CDH8: variants seen among roughly 807,000 people sequenced by gnomAD.
CDH8 encodes cadherin-8.
Under a neutral mutation model 68.1 loss-of-function variants are expected in CDH8, and 17 were observed. The ratio of observed to expected loss-of-function variants is 0.25; its 90% confidence interval spans 0.17 to 0.37. CDH8 has a LOEUF of 0.37. Ranked by LOEUF, CDH8 falls within the 10% of genes least tolerant of loss-of-function variation. The pLI is 1.00. For missense variants in CDH8, 763 were observed against 999.3 expected, an observed-to-expected ratio of 0.76 and a Z score of 3.19; for synonymous variants, 372 against 365.1, an observed-to-expected ratio of 1.02 and a Z score of -0.21.
At chr16:61,795,364 G>A (rs993578060) in intron 7 of CDH8, among the ~76,000 whole-genome samples, 6 of 151,972 alleles carry the variant, frequency 3.9e-5, no homozygotes, top group Non-Finnish European at 7.4e-5. Context: ...ACATAAAATA[G>A]AATAAAAACA....
intron 2 of CDH8, among the ~76,000 whole-genome samples, chr16:61,990,825 A>G (rs1567430): frequency 0.013 from 1,927 of 150,872 alleles, 27 homozygotes; most frequent in African/African-American, 0.028. Flanking sequence ...CCCCGTCTTT[A>G]ATAAAAGAAA....
intron 2 of CDH8, among the ~76,000 whole-genome samples, chr16:62,005,463 T>G (rs1965959122): frequency 6.6e-6 from 1 of 151,862 alleles, no homozygotes; most frequent in Non-Finnish European, 1.5e-5. Flanking sequence ...GGAGGCCGGG[T>G]GCTGTGGCTC....
At chr16:61,684,997 C>T (rs1282100151) in intron 10 of CDH8, among the ~76,000 whole-genome samples, 1 of 151,852 alleles carries the variant, frequency 6.6e-6, no homozygotes, top group Non-Finnish European at 1.5e-5. Flanking sequence ...AAGTTACCCG[C>T]CTATTTCCTG....
chr16:61,692,543 T>C (rs1964247476), intron 10 of CDH8: 1 of 151,094 alleles, frequency 6.6e-6, no homozygotes, highest in Non-Finnish European at 1.5e-5. Context: ...TGTCCTGATG[T>C]CACCAGCTAA....
At chr16:61,833,664 G>T (rs956944702) in intron 4 of CDH8, among the ~76,000 whole-genome samples, 1 of 151,822 alleles carries the variant, frequency 6.6e-6, no homozygotes, top group Non-Finnish European at 1.5e-5. Context: ...CACAGCATAT[G>T]CCTTTGATTT....
chr16:61,839,431 T>G (rs1221788430), intron 4 of CDH8, among the ~76,000 whole-genome samples: 1 of 152,198 alleles, frequency 6.6e-6, no homozygotes, highest in East Asian at 1.9e-4. Flanking sequence ...AAGATCTTCA[T>G]GTATTCAAAT....
intron 2 of CDH8, among the ~76,000 whole-genome samples, chr16:61,960,412 T>TAC (rs1965132814): frequency 7.3e-6 from 1 of 137,214 alleles, no homozygotes; most frequent in Non-Finnish European, 1.6e-5. Flanking sequence ...TATACATATA[T>TAC]GTGTGTGTGT....
intron 10 of CDH8, among the ~76,000 whole-genome samples, chr16:61,685,165 C>T (rs1478927431): frequency 6.8e-6 from 1 of 146,370 alleles, no homozygotes; most frequent in Admixed American, 6.8e-5. Flanking sequence ...GCATTGTTTT[C>T]TCTAAAGGGT....
chr16:62,027,192 T>C (rs959235696), intron 1 of CDH8, among the ~76,000 whole-genome samples: 1 of 152,218 alleles, frequency 6.6e-6, no homozygotes, highest in Non-Finnish European at 1.5e-5. Context: ...CATATGATGA[T>C]ATATTTTCCT....
rs181178870 is a variant in CDH8 at position 61,706,366 on chromosome 16, C to G, written c.1654+7475G>C. Reference sequence around the variant, plus strand: ...GACGCGGTGGCTCACGCCTGTAATCCCAGCACTTTGGGAGGCCGAGGCGGG... The same window carrying G: ...GACGCGGTGGCTCACGCCTGTAATCGCAGCACTTTGGGAGGCCGAGGCGGG... On this transcript the variant is annotated intron_variant, in intron 10 of 11. Transcript: ENST00000577390. Among the ~76,000 whole-genome samples the G allele has an allele frequency of 1.8e-3, 281 of 152,060 alleles. 1 individual carries two copies. The highest frequency in any genetic ancestry group is 6.6e-3 in the African/African-American group (275 of 41,484).
At chr16:61,860,770 T>A (rs1394204567) in intron 3 of CDH8, among the ~76,000 whole-genome samples, 1 of 152,166 alleles carries the variant, frequency 6.6e-6, no homozygotes, top group Admixed American at 6.5e-5. Flanking sequence ...ATTACCAAAT[T>A]TCCTTCTAGT....
intron 2 of CDH8, among the ~76,000 whole-genome samples, chr16:61,987,746 TA>T (rs61546952): frequency 1.0e-3 from 150 of 144,308 alleles, no homozygotes; most frequent in Non-Finnish European, 1.6e-3. Flanking sequence ...TTTAGATTGG[TA>T]AAAAAAAAAA....
chr16:61,864,888 T>A (rs143966767), intron 3 of CDH8, among the ~76,000 whole-genome samples: 2 of 152,312 alleles, frequency 1.3e-5, no homozygotes, highest in East Asian at 1.9e-4. Context: ...TTCTCTTTTG[T>A]GGGTAATCAG....
At chr16:61,671,880 A>T (rs1039925112) in intron 10 of CDH8, among the ~76,000 whole-genome samples, 1 of 152,132 alleles carries the variant, frequency 6.6e-6, no homozygotes, top group African/African-American at 2.4e-5. Context: ...AATGATTGAA[A>T]AAAAAAGATA....
At chr16:61,918,277 C>G (rs540559476) in intron 2 of CDH8, 32 of 152,756 alleles carry the variant, frequency 2.1e-4, no homozygotes, top group Non-Finnish European at 4.1e-4. Flanking sequence ...AGTGTCGACT[C>G]AAGAGTGTAG....
At chr16:61,696,034 T>C (rs1370608189) in intron 10 of CDH8, among the ~76,000 whole-genome samples, 1 of 152,184 alleles carries the variant, frequency 6.6e-6, no homozygotes, top group Non-Finnish European at 1.5e-5. Context: ...TTATACTATG[T>C]CACATCTCAC....
chr16:61,920,875 C>T (rs1363057473), intron 2 of CDH8, among the ~76,000 whole-genome samples: 16 of 118,248 alleles, frequency 1.4e-4, no homozygotes, highest in Non-Finnish European at 2.7e-4. Context: ...CAATGATAGA[C>T]TGGATTAAGA....
At chr16:61,654,792 A>C (rs1372114729) in intron 11 of CDH8, among the ~76,000 whole-genome samples, 1 of 152,166 alleles carries the variant, frequency 6.6e-6, no homozygotes, top group African/African-American at 2.4e-5. Flanking sequence ...TGGAACAAGA[A>C]AGACAGTAAC....
intron 7 of CDH8, among the ~76,000 whole-genome samples, chr16:61,795,146 C>T (rs1340673205): frequency 6.6e-6 from 1 of 151,866 alleles, no homozygotes; most frequent in Non-Finnish European, 1.5e-5. Flanking sequence ...TGATATAGGC[C>T]CTTTCTTTAA....
Sources: gnomAD v4.1 joint callset for allele counts (sites outside exome capture counted in the v4.1 genomes callset) on GRCh38, gnomAD v4.1.1 for gene constraint, MANE v1.5 for transcripts, NCBI Gene and HGNC (gene_info 2026-07-23, HGNC 2026-07-21) for gene names.